NCOR2: variants seen among roughly 807,000 people sequenced by gnomAD.
NCOR2 encodes the protein nuclear receptor corepressor 2, also known as CTG repeat protein 26.
NCOR2 carries 81 observed loss-of-function variants against 262.9 expected under a neutral mutation model. The observed-to-expected ratio is 0.31, with a 90% CI of 0.26 to 0.37. The LOEUF (loss-of-function observed/expected upper bound fraction) is 0.37. Among genes scored for constraint, NCOR2 ranks in the 10% least tolerant of loss-of-function variants. The probability of loss-of-function intolerance (pLI) is 1.00; values close to 1 mark genes in which losing one functional copy is unlikely to be tolerated. For synonymous variants in NCOR2, 1,659 were observed against 1,559.3 expected (o/e 1.06, Z -1.51); for missense variants, 3,385 against 3,621.4 (o/e 0.93, Z 1.68).
In NCOR2 at chr12:124,548,195, G is replaced by C. The variant is rs533817929; in HGVS notation, c.-164-12584C>G. ...GAGCTGGGACCTGAATGGCAGCAAG[G>C]AGCCAGCTGTGTCAATATGCAGGGA... On this transcript the variant is annotated intron_variant, in intron 1 of 32. Coordinates refer to the NCOR2 transcript ENST00000458234. The surrounding 1 kb of genome is among the most constrained non-coding windows in gnomAD (Gnocchi z 5.1). Among the ~76,000 whole-genome samples the C allele has an allele frequency of 6.6e-6, 1 of 152,178 alleles. No individual in the cohort carries two copies. Among genetic ancestry groups the C allele is most frequent in the Non-Finnish European group, 1.5e-5 (1 of 68,042 alleles).
At chr12:124,372,693 G>A (rs1185181850) in intron 19 of NCOR2, 83 bp from the exon 22 acceptor site, 9 of 1,234,982 alleles carry the variant, frequency 7.3e-6, no homozygotes, top group Non-Finnish European at 1.0e-5. Flanking sequence ...CCCTCCGGAT[G>A]AGGCCGCTCT....
At chr12:124,484,033 G>C (rs918104604) in intron 2 of NCOR2, among the ~76,000 whole-genome samples, 2 of 152,046 alleles carry the variant, frequency 1.3e-5, no homozygotes, top group Non-Finnish European at 2.9e-5. Context: ...GAACACCCCA[G>C]AGTGACTGCC....
intron 13 of NCOR2, among the ~76,000 whole-genome samples, chr12:124,402,894 C>T (rs1054243731): frequency 3.3e-5 from 5 of 152,108 alleles, no homozygotes; most frequent in Non-Finnish European, 7.4e-5. Flanking sequence ...CTCTCTGTGC[C>T]GACTCCTTCG....
intron 15 of NCOR2, among the ~76,000 whole-genome samples, chr12:124,398,705 G>C (rs1053711537): frequency 6.6e-6 from 1 of 152,196 alleles, no homozygotes; most frequent in Admixed American, 6.5e-5. Flanking sequence ...GACTCTGCAC[G>C]CTGGACTCCA....
intron 6 of NCOR2, among the ~76,000 whole-genome samples, 156 bp from the exon 9 acceptor site, chr12:124,450,023 C>T (rs754476376): frequency 5.9e-5 from 9 of 152,216 alleles, no homozygotes; most frequent in Non-Finnish European, 8.8e-5. Flanking sequence ...GGACCCAGCA[C>T]GCAGCCCCAG....
At chr12:124,496,745 T>G (rs187231493), upstream of NCOR2, among the ~76,000 whole-genome samples, 632 of 149,732 alleles carry the variant, frequency 4.2e-3, 8 homozygotes, top group African/African-American at 0.014. This position sits in a 1 kb window ranked among gnomAD's most constrained non-coding sequence, Gnocchi z 4.4. Context: ...CCTCCCCAGG[T>G]GCCAGGGATG....
intron 32 of NCOR2, among the ~76,000 whole-genome samples, chr12:124,344,152 A>G (rs927985864): frequency 6.6e-6 from 1 of 152,182 alleles, no homozygotes; most frequent in African/African-American, 2.4e-5. Context: ...CCAGGGAACA[A>G]AGAGAAAGAG....
Position 124,326,653 on chromosome 12 carries a change from C to T in NCOR2, c.7184-283G>A, listed in dbSNP as rs185358562. On this transcript the variant is annotated intron_variant, in intron 45 of 46. Coordinates refer to ENST00000405201, the Ensembl canonical transcript of NCOR2. ...AATAGCCCCCTGGGCTGTCCTGCAG[C>T]GACCCCAGCCCCAGGGGCTGGAACC... 1.2e-4 allele frequency among the ~76,000 whole-genome samples: 18 copies of T among 152,206 alleles called. No individual in the cohort carries two copies. In the East Asian group the frequency reaches 1.5e-3, roughly 13 times the overall value.
intron 37 of NCOR2, among the ~76,000 whole-genome samples, chr12:124,339,729 T>C (rs61934022): frequency 0.072 from 3,057 of 42,596 alleles, 521 homozygotes; most frequent in Admixed American, 0.17. Flanking sequence ...GCCATCTATC[T>C]TTCCACTGAC....
Position 124,457,035 on chromosome 12 carries a change from C to A in NCOR2, c.762+71G>T. ...ATGACTTCCTCCTCCGCCGCACCCT[C>A]CCGCCTCCCTGCCCACCTCTCCAGC... is the stretch of plus-strand genomic sequence containing the variant. On this transcript the variant is annotated intron_variant, in intron 6 of 46. Transcript: ENST00000405201. This position sits in a 1 kb window ranked among gnomAD's most constrained non-coding sequence, Gnocchi z 4.0. 7.3e-6 allele frequency: 7 copies of A among 964,752 alleles called. No individual in the cohort carries two copies. The highest frequency in any genetic ancestry group is 1.7e-5 in the South Asian group (1 of 58,902). 59.8% of individuals were successfully genotyped at this position (964,752 alleles called of 1,614,324 possible). A position where few individuals can be genotyped will look rare whatever the true frequency, so the allele number is the denominator to read the frequency against.
rs1380229893 is a variant in NCOR2 at position 124,517,721 on chromosome 12, G to A, written c.-118+17844C>T. Among the ~76,000 whole-genome samples, 1 of 152,198 alleles carries A rather than the reference G, an allele frequency of 6.6e-6. No homozygotes were observed. The highest frequency in any genetic ancestry group is 1.5e-5 in the Non-Finnish European group (1 of 68,030). On this transcript the variant is annotated intron_variant, in intron 1 of 46. Transcript: ENST00000404621. The surrounding 1 kb of genome is among the most constrained non-coding windows in gnomAD (Gnocchi z 7.6). ...GACGCCGGATGTGCACCAAGGAGAGGAGCACAGTGCCCACCCGGGTCCCCT... is the reference window on the plus strand; with the variant it reads ...GACGCCGGATGTGCACCAAGGAGAGAAGCACAGTGCCCACCCGGGTCCCCT...
chr12:124,358,092 TGTGCGCGCGC>T (rs2038136772), intron 22 of NCOR2, among the ~76,000 whole-genome samples: 5 of 147,100 alleles, frequency 3.4e-5, no homozygotes, highest in African/African-American at 5.1e-5. Flanking sequence ...GTGATGTGTG[TGTGCGCGCGC>T]GCACGTGCGT....
rs1009738335 is a variant in NCOR2 at position 124,523,760 on chromosome 12, A to G, written c.-118+11805T>C. On this transcript the variant is annotated intron_variant, in intron 1 of 46. Coordinates refer to the NCOR2 transcript ENST00000404621. The surrounding 1 kb of genome is among the most constrained non-coding windows in gnomAD (Gnocchi z 4.0). Reference sequence around the variant, plus strand: ...GACAAGCTTGCCTTACAACAATCCTATGGGGTGCTGTCATACCCATTCCAT... The same window carrying G: ...GACAAGCTTGCCTTACAACAATCCTGTGGGGTGCTGTCATACCCATTCCAT... 5.3e-5 allele frequency among the ~76,000 whole-genome samples: 8 copies of G among 152,176 alleles called. No individual in the cohort carries two copies. Among genetic ancestry groups the G allele is most frequent in the African/African-American group, 1.9e-4 (8 of 41,444 alleles).
intron 41 of NCOR2, 97 bp from the exon 44 acceptor site, chr12:124,333,376 T>C: frequency 1.7e-6 from 2 of 1,165,716 alleles, no homozygotes. Context: ...ACGCTTTTCC[T>C]GTACGTGGCC....
Position 124,517,275 on chromosome 12 carries a change from C to T in NCOR2, c.-118+18290G>A, listed in dbSNP as rs970259192. Among the ~76,000 whole-genome samples the T allele has an allele frequency of 1.6e-4, 25 of 152,318 alleles. No individual in the cohort carries two copies. The highest frequency in any genetic ancestry group is 3.4e-3 in the Middle Eastern group (1 of 294). On this transcript the variant is annotated intron_variant, in intron 1 of 46. Transcript: ENST00000404621. The surrounding 1 kb of genome is among the most constrained non-coding windows in gnomAD (Gnocchi z 7.6). ...AGCCCCCTCCCTTCCCCAGCCTGGG[C>T]TCAGAGGTCCCCAGGAGCCATTCCC...
rs535264405 is a variant in NCOR2 at position 124,348,051 on chromosome 12, G to T, written c.3985+123C>A. On this transcript the variant is annotated intron_variant, in intron 29 of 46. Coordinates refer to ENST00000405201, the Ensembl canonical transcript of NCOR2. ...GGACCCAGCACGGGAAGGTCCCTGC[G>T]CTACCTCCAGATGGAGCCTCAGAAA... The T allele has an allele frequency of 3.8e-5, 57 of 1,502,140 alleles. No individual in the cohort carries two copies. In the Middle Eastern group the frequency reaches 5.3e-4, roughly 14 times the overall value. 93.1% of individuals were successfully genotyped at this position (1,502,140 alleles called of 1,614,324 possible). A position where few individuals can be genotyped will look rare whatever the true frequency, so the allele number is the denominator to read the frequency against.
chr12:124,552,649 C>T (rs1401376187), intron 1 of NCOR2, among the ~76,000 whole-genome samples: 2 of 152,176 alleles, frequency 1.3e-5, no homozygotes, highest in African/African-American at 2.4e-5. Context: ...ACCACAAACT[C>T]GGTGACTTAA....
intron 16 of NCOR2, among the ~76,000 whole-genome samples, chr12:124,396,428 T>C (rs557481149): frequency 9.8e-4 from 149 of 152,322 alleles, no homozygotes; most frequent in African/African-American, 3.5e-3. Flanking sequence ...ATGAAATACA[T>C]GCCAGAAACC....
At chr12:124,445,299 G>A (rs2045072924) in intron 7 of NCOR2, among the ~76,000 whole-genome samples, 1 of 152,166 alleles carries the variant, frequency 6.6e-6, no homozygotes, top group South Asian at 2.1e-4. Context: ...CCCATCCCTC[G>A]ATGGAGCCCC....
Sources: allele counts gnomAD v4.1 joint callset (sites outside exome capture counted in the v4.1 genomes callset), GRCh38; gene constraint gnomAD v4.1.1; non-coding constraint Gnocchi (gnomAD v3.1); transcripts MANE v1.5; gene names NCBI Gene and HGNC (gene_info 2026-07-23, HGNC 2026-07-21).